The following PCDHGB7 variants were observed in gnomAD, a reference collection of about 807,000 sequenced individuals.
PCDHGB7 encodes protocadherin gamma subfamily B, 7, also known as protocadherin gamma-B7.
Under a neutral mutation model 61.4 loss-of-function variants are expected in PCDHGB7, and 37 were observed. The ratio of observed to expected loss-of-function variants is 0.60; its 90% CI spans 0.46 to 0.79. The LOEUF (loss-of-function observed/expected upper bound fraction) is 0.79. Ranked by LOEUF, PCDHGB7 falls within the 30% of genes least tolerant of loss-of-function variation. PCDHGB7 has a pLI of 0.00. For missense variants in PCDHGB7, 1,166 were observed against 1,202.5 expected (o/e 0.97, Z 0.45); for synonymous variants, 464 against 503.5 (o/e 0.92, Z 1.05).
chr5:141,473,116 G>A (rs966472502), intron 1 of PCDHGB7, among the ~76,000 whole-genome samples: 19 of 152,114 alleles, frequency 1.2e-4, no homozygotes, highest in African/African-American at 4.6e-4. Context: ...ACTTTACTTG[G>A]CTCTTTGGCA....
chr5:141,478,744 T>C, intron 1 of PCDHGB7: 1 of 1,528,172 alleles, frequency 6.5e-7, no homozygotes, highest in Non-Finnish European at 8.8e-7. Flanking sequence ...TGTGGTCCCA[T>C]TTCAGGGGGA....
chr5:141,439,289 T>C (rs1454088176), intron 1 of PCDHGB7, among the ~76,000 whole-genome samples: 1 of 151,850 alleles, frequency 6.6e-6, no homozygotes, highest in African/African-American at 2.4e-5. Flanking sequence ...CTGTGTTCCA[T>C]GGAAAAAGTA....
rs984639830 is a variant in PCDHGB7 at position 141,418,539 on chromosome 5, A to G, written c.680A>G (p.Gln227Arg). 8.7e-6 allele frequency: 14 copies of G among 1,614,034 alleles called. No homozygotes were observed. Among genetic ancestry groups the G allele is most frequent in the Non-Finnish European group, 1.0e-5 (12 of 1,179,894 alleles). ...GGDPPRSGTAQIRILVIDAND... is the reference protein window; with the variant it reads ...GGDPPRSGTARIRILVIDAND... ...GACCCTCCCCGAAGCGGTACTGCTC[A>G]GATAAGAATCCTGGTAATAGATGCC... Residue 227 changes from glutamine (Q) to arginine (R), a missense_variant, in exon 1 of 4, where the codon CAG becomes CGG. Physicochemically the swap from Gln to Arg is conservative, Grantham distance 43. Coordinates refer to ENST00000398594, the MANE Select transcript of PCDHGB7 (RefSeq NM_018927.4).
At chr5:141,433,056 G>A (rs1422450948) in intron 1 of PCDHGB7, 1 of 1,614,204 alleles carries the variant, frequency 6.2e-7, no homozygotes, top group South Asian at 1.1e-5. Context: ...TCGCGGAAGA[G>A]TCACCTGATC....
At chr5:141,500,185 TTTA>T (rs549090582) in intron 2 of PCDHGB7, among the ~76,000 whole-genome samples, 1 of 55,104 alleles carries the variant, frequency 1.8e-5, no homozygotes, top group Non-Finnish European at 3.2e-5. Flanking sequence ...CATTTTTATT[TTTA>T]TTTATTTATT....
chr5:141,489,150 TAA>T lies in PCDHGB7; in HGVS notation c.2416-5656_2416-5655del. 1.2e-6 allele frequency: 1 copy of T among 862,654 alleles called. No homozygotes were observed. Among genetic ancestry groups the T allele is most frequent in the Non-Finnish European group, 1.7e-6 (1 of 575,074 alleles). The allele number at this position is 862,654 out of a possible 1,614,324, so 53.4% of individuals were successfully genotyped here. On this transcript the variant is annotated intron_variant, in intron 1 of 3. Coordinates refer to ENST00000398594, the MANE Select transcript of PCDHGB7 (RefSeq NM_018927.4). This position sits in a 1 kb window ranked among gnomAD's most constrained non-coding sequence, Gnocchi z 4.5. ...GTTTTTAAGAGGCTGGAAGGAGACA[TAA>T]GAGACTTCAGCTGCTGCATTCCAAG... is the stretch of plus-strand genomic sequence containing the variant.
At chr5:141,429,814 T>C (rs554065871) in intron 1 of PCDHGB7, among the ~76,000 whole-genome samples, 3 of 152,322 alleles carry the variant, frequency 2.0e-5, no homozygotes, top group African/African-American at 7.2e-5. Flanking sequence ...TAATTACAAT[T>C]AGGTCAGTTA....
At chr5:141,441,718 C>A in intron 1 of PCDHGB7, 1 of 344,940 alleles carries the variant, frequency 2.9e-6, no homozygotes, top group Non-Finnish European at 5.7e-6. Flanking sequence ...ACGCTGCAGG[C>A]CCGCGACCAG....
intron 1 of PCDHGB7, chr5:141,422,819 T>C (rs369004166): frequency 2.5e-6 from 4 of 1,614,068 alleles, no homozygotes; most frequent in Non-Finnish European, 2.5e-6. Flanking sequence ...GACTTAGAAC[T>C]GAGAGTGATA....
rs1227487225 is a variant in PCDHGB7, at chr5:141,491,275, G to C, written c.2416-3532G>C. The C allele has an allele frequency of 2.5e-6, 4 of 1,614,082 alleles. 1 individual carries two copies. In the South Asian group the frequency reaches 4.4e-5, roughly 18 times the overall value. On this transcript the variant is annotated intron_variant, in intron 1 of 3. Transcript: ENST00000398594. This position sits in a 1 kb window ranked among gnomAD's most constrained non-coding sequence, Gnocchi z 6.9. Reference sequence around the variant, plus strand: ...CCCTGAGGAAATGCCCAAATCCAGTGACTTCCTCATACACCCTCCTGAGCG... The same window carrying C: ...CCCTGAGGAAATGCCCAAATCCAGTCACTTCCTCATACACCCTCCTGAGCG...
At position 141,477,166 on chromosome 5, in the gene PCDHGB7, G is replaced by A. The variant is rs753389305; in HGVS notation, c.2416-17641G>A. ...TTGTGGATGTGAATGACAACGCCCC[G>A]GAGATCACAGTCACCTCCGTGTACA... On this transcript the variant is annotated intron_variant, in intron 1 of 3. Transcript: ENST00000398594. This position sits in a 1 kb window ranked among gnomAD's most constrained non-coding sequence, Gnocchi z 4.9. 5.9e-5 allele frequency: 96 copies of A among 1,614,012 alleles called. 1 individual carries two copies. Among genetic ancestry groups the A allele is most frequent in the Non-Finnish European group, 7.9e-5 (93 of 1,180,030 alleles).
intron 1 of PCDHGB7, chr5:141,479,437 C>G (rs2099496053): frequency 6.6e-6 from 1 of 152,224 alleles, no homozygotes; most frequent in Admixed American, 6.5e-5. Flanking sequence ...AATCCACTGT[C>G]TGCACTAAGT....
chr5:141,420,047 G>T lies in PCDHGB7; in HGVS notation c.2188G>T (p.Val730Phe). ...TACTGCAGGAGACTGCTTTGAGTCA[G>T]TTCTCTGCTCCAAGTCCGGACCTGT... ...SPTAGDCFES[V>F]LCSKSGPVGP... The change falls in exon 1 of 4, where the codon GTT becomes TTT. Residue 730 changes from valine (V) to phenylalanine (F), a missense_variant. By Grantham distance (50) the Val-to-Phe change is conservative. Coordinates refer to ENST00000398594, the MANE Select transcript of PCDHGB7 (RefSeq NM_018927.4). 3 of 1,614,076 alleles carry T rather than the reference G, an allele frequency of 1.9e-6. No individual in the cohort carries two copies. The South Asian group carries it at 3.3e-5, about 18-fold the overall frequency.
At chr5:141,422,705 C>A in intron 1 of PCDHGB7, 1 of 1,602,702 alleles carries the variant, frequency 6.2e-7, no homozygotes, top group East Asian at 2.2e-5. Flanking sequence ...TACTCTCTGA[C>A]GGATGACACT....
chr5:141,419,443 C>A lies in PCDHGB7; in HGVS notation c.1584C>A (p.Phe528Leu). The A allele has an allele frequency of 6.2e-7, 1 of 1,613,080 alleles. No homozygotes were observed. The highest frequency in any genetic ancestry group is 8.5e-7 in the Non-Finnish European group (1 of 1,179,758). ...TCGACCACGAGCAGCTGCGCACCTT[C>A]GAGCTCACGCTGCAGGCCCGCGACC... ...RAFDHEQLRT[F>L]ELTLQARDQG... The change falls in exon 1 of 4, where the codon TTC becomes TTA. Residue 528 changes from phenylalanine (F) to leucine (L), a missense_variant. Physicochemically the swap from Phe to Leu is conservative, Grantham distance 22. Coordinates refer to ENST00000398594, the MANE Select transcript of PCDHGB7 (RefSeq NM_018927.4).
chr5:141,491,327 T>C lies in PCDHGB7; in HGVS notation c.2416-3480T>C, dbSNP rs1422115943. ...TCAGACCTTACCCTTTACCTCATTG[T>C]GGCTCTAGCGACCGTCAGTCTCTTA... is the stretch of plus-strand genomic sequence containing the variant. On this transcript the variant is annotated intron_variant, in intron 1 of 3. Coordinates refer to ENST00000398594, the MANE Select transcript of PCDHGB7 (RefSeq NM_018927.4). This position sits in a 1 kb window ranked among gnomAD's most constrained non-coding sequence, Gnocchi z 6.9. 5.6e-6 allele frequency: 9 copies of C among 1,614,098 alleles called. No homozygotes were observed. Among genetic ancestry groups the C allele is most frequent in the Admixed American group, 3.3e-5 (2 of 60,006 alleles).
Position 141,487,203 on chromosome 5 carries a change from G to A in PCDHGB7, c.2416-7604G>A, listed in dbSNP as rs765707343. 6.8e-6 allele frequency: 11 copies of A among 1,613,804 alleles called. No homozygotes were observed. The highest frequency in any genetic ancestry group is 5.3e-5 in the African/African-American group (4 of 74,890). The stretch of plus-strand genomic sequence containing the variant: ...ACTCATCCAGTTGTCCCAGATCTTC[G>A]AGAATCTTCAGCTCCAAGGGAAGGA... On this transcript the variant is annotated intron_variant, in intron 1 of 3. Transcript: ENST00000398594. This position sits in a 1 kb window ranked among gnomAD's most constrained non-coding sequence, Gnocchi z 5.0.
At chr5:141,451,049 C>T (rs538627151) in intron 1 of PCDHGB7, among the ~76,000 whole-genome samples, 1 of 151,422 alleles carries the variant, frequency 6.6e-6, no homozygotes, top group African/African-American at 2.4e-5. Context: ...AGGCTGGTCT[C>T]GAACTCCTGA....
At chr5:141,430,877 G>A (rs1392342627) in intron 1 of PCDHGB7, 5 of 1,600,678 alleles carry the variant, frequency 3.1e-6, no homozygotes, top group African/African-American at 2.7e-5. Context: ...GGAAGAGCTG[G>A]AGAAAGGCTC....
Sources: gnomAD v4.1 joint callset for allele counts (sites outside exome capture counted in the v4.1 genomes callset) on GRCh38, gnomAD v4.1.1 for gene constraint, Gnocchi (gnomAD v3.1) non-coding constraint, MANE v1.5 for transcripts, NCBI Gene and HGNC (gene_info 2026-07-23, HGNC 2026-07-21) for gene names.